Variants in NDUFB7 observed in about 807,000 individuals in gnomAD.
NDUFB7 encodes the protein NADH dehydrogenase [ubiquinone] 1 beta subcomplex subunit 7.
A neutral mutation model predicts 14.7 loss-of-function variants in NDUFB7; 18 were observed. The ratio of observed to expected loss-of-function variants is 1.22; its 90% CI spans 0.85 to 1.81. The LOEUF (loss-of-function observed/expected upper bound fraction) is 1.81. NDUFB7 is among the 40% of genes most tolerant of loss of function. The probability of loss-of-function intolerance (pLI) is 0.00; values close to 1 mark genes in which losing one functional copy is unlikely to be tolerated. For missense variants in NDUFB7, 219 were observed against 195.0 expected (o/e 1.12, Z -0.73); for synonymous variants, 86 against 76.1 (o/e 1.13, Z -0.68).
At chr19:14,566,616 G>A (rs1354232713) in intron 2 of NDUFB7, 149 bp downstream of exon 2, 3 of 727,842 alleles carry the variant, frequency 4.1e-6, no homozygotes, top group South Asian at 1.8e-5. Context: ...AGGCCTGGGT[G>A]GGGTGCAGGC....
chr19:14,566,653 G>A, intron 2 of NDUFB7, 112 bp downstream of exon 2: 7 of 983,774 alleles, frequency 7.1e-6, no homozygotes, highest in Non-Finnish European at 1.0e-5. Context: ...GGTGGGAGGG[G>A]GGCTTGGGCG....
At chr19:14,570,567 C>T (rs2074118865) in intron 1 of NDUFB7, among the ~76,000 whole-genome samples, 1 of 151,952 alleles carries the variant, frequency 6.6e-6, no homozygotes, top group Admixed American at 6.6e-5. Flanking sequence ...AAACTCCTGA[C>T]CCCAGGTGAT....
intron 1 of NDUFB7, among the ~76,000 whole-genome samples, chr19:14,571,309 C>T (rs1477061182): frequency 6.6e-6 from 1 of 151,942 alleles, no homozygotes; most frequent in Non-Finnish European, 1.5e-5. Flanking sequence ...CAAGACTTGG[C>T]CCGAGGCCGG....
Position 14,566,885 on chromosome 19 carries a change from T to C in NDUFB7, c.161A>G (p.Gln54Arg). Reference protein sequence around the residue: ...QEMMDAQLRLQLRDYCAHHLI... With the variant: ...QEMMDAQLRLRLRDYCAHHLI... Reference sequence around the variant, plus strand: ...GTGGTGGGCGCAGTAGTCCCGCAGCTGGAGCCTCAGCTGCGCGTCCATCAT... The same window carrying C: ...GTGGTGGGCGCAGTAGTCCCGCAGCCGGAGCCTCAGCTGCGCGTCCATCAT... The change falls in exon 2 of 3, where the codon CAG (glutamine) becomes CGG (arginine). Residue 54 changes from glutamine to arginine, a missense_variant. Physicochemically the swap from Gln to Arg is conservative, Grantham distance 43. Transcript: ENST00000215565. The C allele has an allele frequency of 6.3e-7, 1 of 1,581,366 alleles. No homozygotes were observed. Among genetic ancestry groups the C allele is most frequent in the Non-Finnish European group, 8.6e-7 (1 of 1,166,822 alleles).
chr19:14,566,319 C>A, intron 2 of NDUFB7, 54 bp from the exon 3 acceptor site: 1 of 1,610,480 alleles, frequency 6.2e-7, no homozygotes. Flanking sequence ...GACACGCCCC[C>A]CAAGCCCTGG....
At chr19:14,569,885 CTTTGTTTTGT>C (rs576997220) in intron 1 of NDUFB7, among the ~76,000 whole-genome samples, 1 of 152,122 alleles carries the variant, frequency 6.6e-6, no homozygotes, top group Non-Finnish European at 1.5e-5. Context: ...CCCTTCACAT[CTTTGTTTTGT>C]TTTGTTTTGT....
rs45628939 is a variant in NDUFB7, at chr19:14,572,039, C to G, written c.-39G>C. 0.01 allele frequency: 14,963 copies of G among 1,477,652 alleles called. 103 individuals carry two copies. Among genetic ancestry groups the G allele is most frequent in the Admixed American group, 0.012 (606 of 49,098 alleles). 91.5% of individuals were successfully genotyped at this position (1,477,652 alleles called of 1,614,324 possible). On this transcript the variant is annotated 5_prime_UTR_variant, in exon 1 of 3. Transcript: ENST00000215565. ...GCAGATCCCTGCAGCAGCCGAGGGT[C>G]ACCTAGCTCCTACCCGGAACCACTG...
chr19:14,569,430 G>A (rs893608543), intron 1 of NDUFB7, among the ~76,000 whole-genome samples: 1 of 152,206 alleles, frequency 6.6e-6, no homozygotes, highest in Non-Finnish European at 1.5e-5. Flanking sequence ...TGGGATTACA[G>A]GCATGAGCCA....
At chr19:14,569,940 G>A (rs1278302935) in intron 1 of NDUFB7, among the ~76,000 whole-genome samples, 1 of 152,138 alleles carries the variant, frequency 6.6e-6, no homozygotes, top group Non-Finnish European at 1.5e-5. Flanking sequence ...ACCCAGGCTG[G>A]AGTGTGGTGG....
chr19:14,566,355 C>T (rs2074084716), intron 2 of NDUFB7, 90 bp from the exon 3 acceptor site: 1 of 1,584,218 alleles, frequency 6.3e-7, no homozygotes, highest in Non-Finnish European at 8.6e-7. Flanking sequence ...TCCCAGAGCA[C>T]TGTGGGGGAG....
Position 14,566,707 on chromosome 19 carries a change from G to C in NDUFB7, c.281+58C>G, listed in dbSNP as rs1428150483. The stretch of plus-strand genomic sequence containing the variant: ...CTTGGGTGGGCCAGGGGTGTGGAAG[G>C]CTGGGGGTATGGGGTGTTGCGGGCC... On this transcript the variant is annotated intron_variant, in intron 2 of 2. Coordinates refer to ENST00000215565, the MANE Select transcript of NDUFB7 (RefSeq NM_004146.6). 5 of 1,469,482 alleles carry C rather than the reference G, an allele frequency of 3.4e-6. No individual in the cohort carries two copies. The East Asian group carries it at 1.2e-4, about 37-fold the overall frequency. The allele number at this position is 1,469,482 out of a possible 1,614,324, so 91.0% of individuals were successfully genotyped here.
rs549356220 is a variant in NDUFB7, at chr19:14,566,195, T to C, written c.352A>G (p.Lys118Glu). 4.8e-4 allele frequency: 782 copies of C among 1,613,876 alleles called. 8 individuals carry two copies. The South Asian group carries it at 7.6e-3, about 16-fold the overall frequency. ...LLQRKKRREK[K>E]AAELAKGQGP... ...TGGCCTTTGGCCAACTCTGCCGCCT[T>C]CTTCTCCCGCCGCTTCTTCCGCTGG... Residue 118 changes from lysine to glutamate, a missense_variant, in exon 3 of 3, where the codon AAG (lysine) becomes GAG (glutamate). Coordinates refer to ENST00000215565, the MANE Select transcript of NDUFB7 (RefSeq NM_004146.6).
chr19:14,568,098 G>A (rs949547911), intron 1 of NDUFB7, among the ~76,000 whole-genome samples: 1 of 152,166 alleles, frequency 6.6e-6, no homozygotes, highest in Non-Finnish European at 1.5e-5. Context: ...AGGCTGGAGG[G>A]CAGTGGCAAG....
intron 1 of NDUFB7, among the ~76,000 whole-genome samples, chr19:14,568,126 C>T (rs2074104411): frequency 6.6e-6 from 1 of 152,202 alleles, no homozygotes; most frequent in Non-Finnish European, 1.5e-5. Flanking sequence ...CTCACTGCAA[C>T]CCCTGTCTCC....
Position 14,566,236 on chromosome 19 carries a change from C to G in NDUFB7, c.311G>C (p.Arg104Pro). The stretch of plus-strand genomic sequence containing the variant: ...CTTCCGCTGGAGCAGCCTCCGCTCC[C>G]GCTCAAACTCCTTCATGCGCATCAC... Reference protein sequence around the residue: ...DYVMRMKEFERERRLLQRKKR... With the variant: ...DYVMRMKEFEPERRLLQRKKR... The change falls in exon 3 of 3, where the codon CGG (arginine) becomes CCG (proline). Residue 104 changes from arginine (R) to proline (P), a missense_variant. Arg to Pro is a moderately radical substitution (Grantham distance 103). Transcript: ENST00000215565. 1 of 1,614,112 alleles carries G rather than the reference C, an allele frequency of 6.2e-7. No homozygotes were observed. The highest frequency in any genetic ancestry group is 1.1e-5 in the South Asian group (1 of 91,088).
Position 14,566,121 on chromosome 19 carries a change from G to T in NDUFB7, c.*12C>A, listed in dbSNP as rs2074078396. 6 of 1,605,630 alleles carry T rather than the reference G, an allele frequency of 3.7e-6. No homozygotes were observed. In the Admixed American group the frequency reaches 8.5e-5, roughly 23 times the overall value. ...TTTATTTGACTGGTCCATAGGGTGG[G>T]GGGTGCACCCCCTACAGGGCCACCT... On this transcript the variant is annotated 3_prime_UTR_variant, in exon 3 of 3. Coordinates refer to ENST00000215565, the MANE Select transcript of NDUFB7 (RefSeq NM_004146.6).
rs1288178841 is a variant in NDUFB7, at chr19:14,567,109, C to T, written c.113-176G>A. On this transcript the variant is annotated intron_variant, in intron 1 of 2. Transcript: ENST00000215565. The surrounding 1 kb of genome is among the most constrained non-coding windows in gnomAD (Gnocchi z 5.1). Reference sequence around the variant, plus strand: ...GACGGATGCACTGTCCTGAAGGGGCCTCCTTTTCTAATTTGCACAAAGGCA... The same window carrying T: ...GACGGATGCACTGTCCTGAAGGGGCTTCCTTTTCTAATTTGCACAAAGGCA... Among the ~76,000 whole-genome samples, 15 of 152,002 alleles carry T rather than the reference C, an allele frequency of 9.9e-5. No individual in the cohort carries two copies. Among genetic ancestry groups the T allele is most frequent in the South Asian group, 4.1e-4 (2 of 4,828 alleles).
At chr19:14,568,372 C>T (rs1001474696) in intron 1 of NDUFB7, among the ~76,000 whole-genome samples, 3 of 152,138 alleles carry the variant, frequency 2.0e-5, no homozygotes, top group Non-Finnish European at 4.4e-5. Context: ...GCTGCCGCCC[C>T]GTATGTAGAT....
Position 14,571,800 on chromosome 19 carries a change from C to T in NDUFB7, c.112+89G>A, listed in dbSNP as rs1035809881. 4 of 1,257,726 alleles carry T rather than the reference C, an allele frequency of 3.2e-6. No individual in the cohort carries two copies. In the Admixed American group the frequency reaches 6.0e-5, roughly 19 times the overall value. The allele number at this position is 1,257,726 out of a possible 1,614,324, so 77.9% of individuals were successfully genotyped here. A position where few individuals can be genotyped will look rare whatever the true frequency, so the allele number is the denominator to read the frequency against. On this transcript the variant is annotated intron_variant, in intron 1 of 2. Coordinates refer to ENST00000215565, the MANE Select transcript of NDUFB7 (RefSeq NM_004146.6). The stretch of plus-strand genomic sequence containing the variant: ...CCAGATACAACACCTGAGGTTAGAG[C>T]CCAGCCCTGGGGTGCCAGCCCTGGG...
Sources: allele counts gnomAD v4.1 joint callset (sites outside exome capture counted in the v4.1 genomes callset), GRCh38; gene constraint gnomAD v4.1.1; non-coding constraint Gnocchi (gnomAD v3.1); transcripts MANE v1.5; gene names NCBI Gene and HGNC (gene_info 2026-07-23, HGNC 2026-07-21).